The following SAMD3 variants were observed in gnomAD, a reference collection of about 807,000 sequenced individuals.
SAMD3 encodes the protein sterile alpha motif domain containing 3.
In SAMD3, 63 loss-of-function variants were observed where a neutral mutation model predicts 58.5. The ratio of observed to expected loss-of-function variants is 1.08; its 90% confidence interval spans 0.88 to 1.33. The LOEUF (loss-of-function observed/expected upper bound fraction) is 1.33, where lower values mean the gene tolerates loss of function less well. Ranked by LOEUF, SAMD3 falls within the 40% of genes most tolerant of loss-of-function variation. SAMD3 has a pLI of 0.00. For missense variants in SAMD3, 604 were observed against 608.4 expected (o/e 0.99, Z 0.08); for synonymous variants, 220 against 210.3 (o/e 1.05, Z -0.40).
At chr6:130,173,965 C>T (rs117639040) in intron 8 of SAMD3, among the ~76,000 whole-genome samples, 1 of 152,146 alleles carries the variant, frequency 6.6e-6, no homozygotes, top group Non-Finnish European at 1.5e-5. Flanking sequence ...CCTCCCAGCT[C>T]CTTAGTACTG....
At chr6:130,145,005 A>G (rs1472631632) in intron 11 of SAMD3, among the ~76,000 whole-genome samples, 1 of 152,210 alleles carries the variant, frequency 6.6e-6, no homozygotes, top group African/African-American at 2.4e-5. Context: ...CATGCCTGTA[A>G]TCCCAGCACT....
intron 1 of SAMD3, among the ~76,000 whole-genome samples, chr6:130,321,654 G>A (rs1776588159): frequency 6.6e-6 from 1 of 151,812 alleles, no homozygotes; most frequent in Non-Finnish European, 1.5e-5. Context: ...ATCATTCAAA[G>A]TATTATTATA....
At chr6:130,162,611 G>A (rs1009444221) in intron 8 of SAMD3, among the ~76,000 whole-genome samples, 4 of 152,010 alleles carry the variant, frequency 2.6e-5, no homozygotes, top group African/African-American at 9.7e-5. Flanking sequence ...AAAGTGCTGG[G>A]GTTACAGGCA....
intron 1 of SAMD3, among the ~76,000 whole-genome samples, chr6:130,357,560 T>A (rs1777872240): frequency 6.6e-6 from 1 of 152,138 alleles, no homozygotes; most frequent in Non-Finnish European, 1.5e-5. Flanking sequence ...TATAACCATT[T>A]CCCATTAAGA....
chr6:130,352,129 GGTGCA>G (rs1009221582), intron 1 of SAMD3, among the ~76,000 whole-genome samples: 1 of 151,646 alleles, frequency 6.6e-6, no homozygotes, highest in African/African-American at 2.4e-5. Context: ...CGAGTTAATG[GGTGCA>G]GCACACCAAC....
chr6:130,146,233 T>A, intron 9 of SAMD3, 52 bp from the exon 10 acceptor site: 1 of 1,172,542 alleles, frequency 8.5e-7, no homozygotes, highest in Non-Finnish European at 1.2e-6. Flanking sequence ...AAAGCTAATA[T>A]ATAGAATGTA....
chr6:130,234,168 T>C (rs1796620435), intron 2 of SAMD3, among the ~76,000 whole-genome samples: 1 of 152,248 alleles, frequency 6.6e-6, no homozygotes, highest in South Asian at 2.1e-4. Flanking sequence ...TTGTCACTTG[T>C]ATGTAGTTAG....
chr6:130,257,674 T>C (rs142746409), intron 2 of SAMD3, among the ~76,000 whole-genome samples: 62 of 152,264 alleles, frequency 4.1e-4, no homozygotes, highest in African/African-American at 1.5e-3. Context: ...AAAATCTTAT[T>C]GACAAGCAAT....
intron 2 of SAMD3, among the ~76,000 whole-genome samples, chr6:130,239,817 T>A (rs1773291424): frequency 6.6e-6 from 1 of 152,172 alleles, no homozygotes; most frequent in Non-Finnish European, 1.5e-5. Flanking sequence ...GAAATTTGGT[T>A]CCTGGACCTA....
At chr6:130,349,970 C>A (rs1209527440) in intron 1 of SAMD3, among the ~76,000 whole-genome samples, 1 of 152,140 alleles carries the variant, frequency 6.6e-6, no homozygotes, top group Non-Finnish European at 1.5e-5. Context: ...AAGACCAAAA[C>A]CACATGATTA....
At chr6:130,365,822 A>G (rs1057399448), upstream of SAMD3, 2 of 985,632 alleles carry the variant, frequency 2.0e-6, no homozygotes, top group African/African-American at 1.7e-5. Context: ...GGGCTCCTGC[A>G]GAGCAGATCC....
At chr6:130,234,015 G>A (rs1033328838) in intron 2 of SAMD3, among the ~76,000 whole-genome samples, 4 of 152,110 alleles carry the variant, frequency 2.6e-5, no homozygotes, top group South Asian at 2.1e-4. Flanking sequence ...TGTCATTTTT[G>A]CAGAAATTTT....
intron 2 of SAMD3, among the ~76,000 whole-genome samples, chr6:130,237,142 A>G (rs1317859226): frequency 1.3e-5 from 2 of 152,184 alleles, no homozygotes; most frequent in African/African-American, 4.8e-5. Context: ...TGTTTTTTCT[A>G]TCTTCAGCAG....
chr6:130,162,056 T>TCGCC, intron 8 of SAMD3: 2 of 495,106 alleles, frequency 4.0e-6, no homozygotes, highest in South Asian at 3.4e-5. Context: ...CTTTGAGATG[T>TCGCC]GTGACTTTAG....
chr6:130,255,019 T>C (rs1317493778), intron 2 of SAMD3, among the ~76,000 whole-genome samples: 1 of 152,236 alleles, frequency 6.6e-6, no homozygotes, highest in Non-Finnish European at 1.5e-5. Context: ...TCTCAAGATA[T>C]TGTTTCAATT....
rs138551102 is a variant in SAMD3 at position 130,193,939 on chromosome 6, C to T, written c.384-9316G>A. ...CCCTCCTGTCCCCTCAGTCCCAACC[C>T]CAAGCGTCACTGGGTCTTTCTAATC... On this transcript the variant is annotated intron_variant, in intron 5 of 11. Transcript: ENST00000439090. 2.0e-3 allele frequency among the ~76,000 whole-genome samples: 310 copies of T among 152,258 alleles called. 4 individuals carry two copies. The highest frequency in any genetic ancestry group is 0.014 in the Middle Eastern group (4 of 294).
intron 1 of SAMD3, among the ~76,000 whole-genome samples, chr6:130,334,208 C>T (rs140835722): frequency 2.6e-5 from 4 of 152,230 alleles, no homozygotes; most frequent in African/African-American, 4.8e-5. Context: ...AGCACAACCA[C>T]GCTCATTGCT....
chr6:130,264,302 C>T (rs1774257149), intron 2 of SAMD3, among the ~76,000 whole-genome samples: 1 of 152,194 alleles, frequency 6.6e-6, no homozygotes, highest in African/African-American at 2.4e-5. Context: ...GCTTCCATCT[C>T]CCAACACTAA....
At chr6:130,310,711 C>T (rs778779584) in intron 2 of SAMD3, among the ~76,000 whole-genome samples, 3 of 152,132 alleles carry the variant, frequency 2.0e-5, no homozygotes, top group Non-Finnish European at 4.4e-5. Flanking sequence ...TATTTCTATG[C>T]CCTACAACTG....
Sources: gnomAD v4.1 joint callset for allele counts (sites outside exome capture counted in the v4.1 genomes callset) on GRCh38, gnomAD v4.1.1 for gene constraint, MANE v1.5 for transcripts, NCBI Gene and HGNC (gene_info 2026-07-23, HGNC 2026-07-21) for gene names.